Variants in SH3RF1 observed in about 807,000 individuals in gnomAD.
The protein encoded by SH3RF1 is SH3 domain containing ring finger 1, also known as E3 ubiquitin-protein ligase SH3RF1.
A neutral mutation model predicts 74.0 loss-of-function variants in SH3RF1; 32 were observed. The observed-to-expected ratio is 0.43, with a 90% CI of 0.33 to 0.58. The LOEUF is 0.58. SH3RF1 is among the 20% of genes least tolerant of loss of function. SH3RF1 has a pLI of 0.05. For synonymous variants in SH3RF1, 396 were observed against 439.6 expected (o/e 0.90, Z 1.24); for missense variants, 954 against 1,130.9 (o/e 0.84, Z 2.24).
chr4:169,267,391 G>C (rs1222564214), intron 2 of SH3RF1, among the ~76,000 whole-genome samples: 2 of 152,136 alleles, frequency 1.3e-5, no homozygotes, highest in Non-Finnish European at 2.9e-5. Flanking sequence ...CCTACATCAG[G>C]TGTCTCAGAA....
chr4:169,141,801 C>G (rs7657949), intron 4 of SH3RF1, among the ~76,000 whole-genome samples: 29,201 of 149,240 alleles, frequency 0.2, 2,988 homozygotes, highest in African/African-American at 0.26. Context: ...CCATGGCCCG[C>G]CTAATTTTTG....
intron 2 of SH3RF1, chr4:169,166,423 T>C (rs570141568): frequency 6.1e-6 from 1 of 164,550 alleles, no homozygotes; most frequent in Non-Finnish European, 1.3e-5. Flanking sequence ...CTATCCTTAT[T>C]AGAGGAATTG....
At chr4:169,147,531 C>T (rs1178735873) in intron 4 of SH3RF1, among the ~76,000 whole-genome samples, 1 of 152,216 alleles carries the variant, frequency 6.6e-6, no homozygotes, top group African/African-American at 2.4e-5. Context: ...AAAGAGAATA[C>T]TGTACCAAGG....
intron 6 of SH3RF1, among the ~76,000 whole-genome samples, chr4:169,123,674 G>A (rs368116510): frequency 1.3e-5 from 2 of 152,206 alleles, no homozygotes; most frequent in South Asian, 2.1e-4. Context: ...GGCGGATCAC[G>A]AGGTCAGGAG....
intron 10 of SH3RF1, 25 bp downstream of exon 10, chr4:169,116,244 A>C: frequency 1.3e-6 from 2 of 1,562,972 alleles, no homozygotes; most frequent in African/African-American, 2.7e-5. Flanking sequence ...TAAAGCAGAG[A>C]AACAGTAAGT....
intron 2 of SH3RF1, among the ~76,000 whole-genome samples, chr4:169,193,732 G>A (rs1003716819): frequency 2.0e-5 from 3 of 152,296 alleles, no homozygotes; most frequent in Admixed American, 1.3e-4. Context: ...TGAAGGAAAG[G>A]TCCCTCAGCC....
chr4:169,251,965 T>G (rs1731112214), intron 2 of SH3RF1, among the ~76,000 whole-genome samples: 1 of 152,228 alleles, frequency 6.6e-6, no homozygotes, highest in Non-Finnish European at 1.5e-5. Context: ...TGATCATACA[T>G]GTGTTTGTGC....
At chr4:169,214,813 ACC>A (rs1404882242) in intron 2 of SH3RF1, among the ~76,000 whole-genome samples, 1 of 152,074 alleles carries the variant, frequency 6.6e-6, no homozygotes, top group African/African-American at 2.4e-5. Flanking sequence ...GTATCCTTCA[ACC>A]TTGCTAATTG....
chr4:169,116,155 T>A, intron 10 of SH3RF1, 114 bp downstream of exon 10: 1 of 1,470,198 alleles, frequency 6.8e-7, no homozygotes, highest in Non-Finnish European at 9.1e-7. Flanking sequence ...AGGGAGCACC[T>A]GAGGGTTTGT....
chr4:169,226,667 A>G (rs955166372), intron 2 of SH3RF1, among the ~76,000 whole-genome samples: 1 of 152,196 alleles, frequency 6.6e-6, no homozygotes, highest in African/African-American at 2.4e-5. Flanking sequence ...AATTGGCCAC[A>G]GTGCACCATC....
chr4:169,198,770 A>G (rs1164575039), intron 2 of SH3RF1, among the ~76,000 whole-genome samples: 1 of 152,168 alleles, frequency 6.6e-6, no homozygotes, highest in East Asian at 1.9e-4. Context: ...GAGAAAAAAG[A>G]GAATCTAACA....
At chr4:169,135,710 T>C (rs765820909) in intron 5 of SH3RF1, among the ~76,000 whole-genome samples, 42 of 152,286 alleles carry the variant, frequency 2.8e-4, no homozygotes, top group Middle Eastern at 3.4e-3. Context: ...ATTGAATGAA[T>C]GCCCCAGTCA....
At chr4:169,194,341 T>C (rs548297380) in intron 2 of SH3RF1, among the ~76,000 whole-genome samples, 1 of 152,314 alleles carries the variant, frequency 6.6e-6, no homozygotes, top group South Asian at 2.1e-4. Context: ...GTGTGCCTTA[T>C]GACCTTACTA....
At chr4:169,146,890 A>G (rs1733903806) in intron 4 of SH3RF1, among the ~76,000 whole-genome samples, 1 of 152,210 alleles carries the variant, frequency 6.6e-6, no homozygotes, top group Non-Finnish European at 1.5e-5. Context: ...GATGTGACCA[A>G]GTTCCTGGAG....
chr4:169,164,736 T>G (rs1734208187), intron 2 of SH3RF1, among the ~76,000 whole-genome samples: 1 of 152,158 alleles, frequency 6.6e-6, no homozygotes, highest in East Asian at 1.9e-4. Context: ...TGTCTTATAC[T>G]AAGCAAATGG....
chr4:169,122,538 G>C lies in SH3RF1; in HGVS notation c.1180-272C>G, dbSNP rs1186112468. On this transcript the variant is annotated intron_variant, in intron 6 of 11. Transcript: ENST00000284637. Reference sequence around the variant, plus strand: ...TTGGGAGGAGGGAAAGAAAAAAAATGAAACAATTGCATGTAATCTTAAGAT... The same window carrying C: ...TTGGGAGGAGGGAAAGAAAAAAAATCAAACAATTGCATGTAATCTTAAGAT... 2.6e-5 allele frequency among the ~76,000 whole-genome samples: 4 copies of C among 152,222 alleles called. No individual in the cohort carries two copies. In the East Asian group the frequency reaches 7.7e-4, roughly 29 times the overall value.
chr4:169,126,110 T>TA (rs1733519368), intron 6 of SH3RF1, among the ~76,000 whole-genome samples: 1 of 152,202 alleles, frequency 6.6e-6, no homozygotes, highest in African/African-American at 2.4e-5. Flanking sequence ...AGAAGCTCAA[T>TA]AAATAGAAGC....
At chr4:169,193,807 G>C (rs1165774774) in intron 2 of SH3RF1, among the ~76,000 whole-genome samples, 1 of 152,184 alleles carries the variant, frequency 6.6e-6, no homozygotes, top group African/African-American at 2.4e-5. Flanking sequence ...AAAACAGATA[G>C]AGTCTACGAG....
intron 2 of SH3RF1, among the ~76,000 whole-genome samples, chr4:169,185,102 T>C (rs1734581386): frequency 6.6e-6 from 1 of 152,210 alleles, no homozygotes; most frequent in Admixed American, 6.5e-5. Context: ...TCCCTATATA[T>C]TAAGATAGTT....
Sources: allele counts gnomAD v4.1 joint callset (sites outside exome capture counted in the v4.1 genomes callset), GRCh38; gene constraint gnomAD v4.1.1; transcripts MANE v1.5; gene names NCBI Gene and HGNC (gene_info 2026-07-23, HGNC 2026-07-21).